ADIPOR2: variants seen among roughly 807,000 people sequenced by gnomAD.
The protein encoded by ADIPOR2 is adiponectin receptor 2, also known as adiponectin receptor protein 2.
ADIPOR2 carries 18 observed loss-of-function variants against 40.9 expected under a neutral mutation model. The ratio of observed to expected loss-of-function variants is 0.44; its 90% CI spans 0.30 to 0.65. The LOEUF is 0.65. Ranked by LOEUF, ADIPOR2 falls within the 30% of genes least tolerant of loss-of-function variation. The pLI, the probability that ADIPOR2 is intolerant of heterozygous loss-of-function variation, is 0.09. For missense variants in ADIPOR2, 283 were observed against 479.2 expected (o/e 0.59, Z 3.82); for synonymous variants, 165 against 166.4 (o/e 0.99, Z 0.06).
At chr12:1,710,997 G>C (rs946215850) in intron 1 of ADIPOR2, among the ~76,000 whole-genome samples, 1 of 152,092 alleles carries the variant, frequency 6.6e-6, no homozygotes, top group African/African-American at 2.4e-5. Context: ...CCAGAGGTTG[G>C]TATAAGAGTT....
Position 1,781,052 on chromosome 12 carries a change from C to T in ADIPOR2, c.814C>T (p.Pro272Ser). Residue 272 changes from proline to serine, a missense_variant, in exon 6 of 8, where the codon CCT (proline) becomes TCT (serine). Physicochemically the swap from Pro to Ser is moderately conservative, Grantham distance 74 (BLOSUM62 -1). Transcript: ENST00000357103. ...IVSQWDMFAT[P>S]QYRGVRAGVF... Reference sequence around the variant, plus strand: ...CTCCCAGTGGGACATGTTTGCCACCCCTCAGTATCGGGGAGTAAGAGCAGG... The same window carrying T: ...CTCCCAGTGGGACATGTTTGCCACCTCTCAGTATCGGGGAGTAAGAGCAGG... The T allele has an allele frequency of 6.2e-7, 1 of 1,609,542 alleles. No individual in the cohort carries two copies. Among genetic ancestry groups the T allele is most frequent in the Non-Finnish European group, 8.5e-7 (1 of 1,178,372 alleles).
chr12:1,728,199 G>A lies in ADIPOR2; in HGVS notation c.-86-26059G>A, dbSNP rs1002432742. On this transcript the variant is annotated intron_variant, in intron 1 of 7. Transcript: ENST00000357103. ...GCGATCTCAGCTCACTGCAACTTCC[G>A]CCTCCCGGTTTCAAGTGATTCTCCT... is the stretch of plus-strand genomic sequence containing the variant. Among the ~76,000 whole-genome samples the A allele has an allele frequency of 3.3e-5, 5 of 151,330 alleles. No individual in the cohort carries two copies. In the East Asian group the frequency reaches 6.0e-4, roughly 18 times the overall value.
Position 1,786,078 on chromosome 12 carries a change from A to C in ADIPOR2, c.*6A>C. On this transcript the variant is annotated 3_prime_UTR_variant, in exon 8 of 8. Coordinates refer to ENST00000357103, the MANE Select transcript of ADIPOR2 (RefSeq NM_024551.3). ...GTGAAGAGGATGCACTGTGATACCTACCAGTCTCCAGGGACTATGACCCTA... is the reference window on the plus strand; with the variant it reads ...GTGAAGAGGATGCACTGTGATACCTCCCAGTCTCCAGGGACTATGACCCTA... The C allele has an allele frequency of 1.9e-6, 3 of 1,613,126 alleles. No individual in the cohort carries two copies. The highest frequency in any genetic ancestry group is 3.6e-4 in the Middle Eastern group (2 of 5,584).
At position 1,754,699 on chromosome 12, in the gene ADIPOR2, TTACTACTACTACTACTACTAC is replaced by T. The variant is rs59598626; in HGVS notation, c.171+215_171+235del. Among the ~76,000 whole-genome samples, 22 of 103,612 alleles carry T rather than the reference TTACTACTACTACTACTACTAC, an allele frequency of 2.1e-4. No individual in the cohort carries two copies. In the East Asian group the frequency reaches 4.8e-3, roughly 23 times the overall value. 68.0% of individuals were successfully genotyped at this position (103,612 alleles called of 152,430 possible). A position where few individuals can be genotyped will look rare whatever the true frequency, so the allele number is the denominator to read the frequency against. The stretch of plus-strand genomic sequence containing the variant: ...AAGTCTCTTATCTTTATTATTATTA[TTACTACTACTACTACTACTAC>T]TACTACTACTACTACTACTACTACT... On this transcript the variant is annotated intron_variant, in intron 2 of 7. Transcript: ENST00000357103.
At chr12:1,783,399 C>CTTTT (rs35800138) in intron 6 of ADIPOR2, among the ~76,000 whole-genome samples, 1 of 132,540 alleles carries the variant, frequency 7.5e-6, no homozygotes, top group East Asian at 2.3e-4. Flanking sequence ...AGGCTCATTG[C>CTTTT]TTTTTTTTTT....
chr12:1,735,669 A>C (rs1184857015), intron 1 of ADIPOR2, among the ~76,000 whole-genome samples: 1 of 152,190 alleles, frequency 6.6e-6, no homozygotes, highest in Non-Finnish European at 1.5e-5. Flanking sequence ...TCCCTGTCTT[A>C]TGCCAGTTTT....
At chr12:1,784,807 A>G (rs939296462) in intron 7 of ADIPOR2, among the ~76,000 whole-genome samples, 1 of 152,242 alleles carries the variant, frequency 6.6e-6, no homozygotes, top group Non-Finnish European at 1.5e-5. Flanking sequence ...CAACAAGACA[A>G]CATTGGAAAT....
At chr12:1,760,407 A>G (rs1250142183) in intron 2 of ADIPOR2, among the ~76,000 whole-genome samples, 1 of 152,166 alleles carries the variant, frequency 6.6e-6, no homozygotes, top group Non-Finnish European at 1.5e-5. Flanking sequence ...GGGTTGTACA[A>G]CCATCACTTC....
intron 2 of ADIPOR2, among the ~76,000 whole-genome samples, chr12:1,771,453 G>A (rs1247954867): frequency 3.9e-5 from 6 of 152,094 alleles, no homozygotes; most frequent in African/African-American, 1.4e-4. Flanking sequence ...AGGAACACGA[G>A]TTTAGGATAG....
intron 1 of ADIPOR2, among the ~76,000 whole-genome samples, chr12:1,753,902 A>AC (rs1423300055): frequency 2.0e-5 from 3 of 152,204 alleles, no homozygotes; most frequent in African/African-American, 7.2e-5. Flanking sequence ...TGCAGGCAGA[A>AC]CAAAGTAAGT....
intron 1 of ADIPOR2, among the ~76,000 whole-genome samples, chr12:1,727,095 T>A (rs1421214520): frequency 6.6e-6 from 1 of 152,222 alleles, no homozygotes; most frequent in African/African-American, 2.4e-5. Flanking sequence ...CAGAATACCT[T>A]CTCTTTAGTT....
chr12:1,737,390 A>T (rs2094733174), intron 1 of ADIPOR2, among the ~76,000 whole-genome samples: 1 of 151,986 alleles, frequency 6.6e-6, no homozygotes, highest in Non-Finnish European at 1.5e-5. Flanking sequence ...CATGTTAATT[A>T]TCAGGGTTTA....
chr12:1,695,689 A>G (rs2094637208), intron 1 of ADIPOR2: 1 of 151,398 alleles, frequency 6.6e-6, no homozygotes, highest in South Asian at 2.1e-4. Context: ...AAATGACGAA[A>G]CCCGTCATTC....
chr12:1,747,038 C>CA (rs200724331), intron 1 of ADIPOR2, among the ~76,000 whole-genome samples: 1,959 of 149,346 alleles, frequency 0.013, 60 homozygotes, highest in African/African-American at 0.047. Context: ...TTGTCTCCCC[C>CA]ACTAACTCCA....
intron 1 of ADIPOR2, among the ~76,000 whole-genome samples, chr12:1,749,263 T>G (rs1301791975): frequency 1.3e-5 from 2 of 152,022 alleles, no homozygotes; most frequent in African/African-American, 4.8e-5. Context: ...TCCTCTTGGG[T>G]TTTTATGGAA....
Position 1,786,165 on chromosome 12 carries a change from C to T in ADIPOR2, c.*93C>T. The T allele has an allele frequency of 6.6e-7, 1 of 1,508,764 alleles. No homozygotes were observed. Among genetic ancestry groups the T allele is most frequent in the East Asian group, 2.3e-5 (1 of 43,864 alleles). The allele number at this position is 1,508,764 out of a possible 1,614,324, so 93.5% of individuals were successfully genotyped here. A position where few individuals can be genotyped will look rare whatever the true frequency, so the allele number is the denominator to read the frequency against. On this transcript the variant is annotated 3_prime_UTR_variant, in exon 8 of 8. Coordinates refer to ENST00000357103, the MANE Select transcript of ADIPOR2 (RefSeq NM_024551.3). ...GCTACTGATGCCAGTACCAGAGGAG[C>T]CCCAAAACTTTGACAGCCTCGTGGG...
At chr12:1,762,335 A>G (rs1417677748) in intron 2 of ADIPOR2, among the ~76,000 whole-genome samples, 1 of 152,122 alleles carries the variant, frequency 6.6e-6, no homozygotes, top group Non-Finnish European at 1.5e-5. Context: ...ATATTTTATA[A>G]AAATTTATAA....
At chr12:1,718,983 G>A (rs10773982) in intron 1 of ADIPOR2, among the ~76,000 whole-genome samples, 95,478 of 152,036 alleles carry the variant, frequency 0.63, 30,258 homozygotes, top group Non-Finnish European at 0.67. Context: ...TGTTTGATTC[G>A]AAATGATTCT....
intron 2 of ADIPOR2, among the ~76,000 whole-genome samples, chr12:1,755,130 A>G (rs1862096064): frequency 1.7e-5 from 1 of 57,956 alleles, no homozygotes; most frequent in African/African-American, 3.6e-5. Flanking sequence ...GCCAGGCTGG[A>G]GTGCAGTGGT....
Sources: gnomAD v4.1 joint callset for allele counts (sites outside exome capture counted in the v4.1 genomes callset) on GRCh38, gnomAD v4.1.1 for gene constraint, MANE v1.5 for transcripts, NCBI Gene and HGNC (gene_info 2026-07-23, HGNC 2026-07-21) for gene names.